Variants in SPPL2A observed in about 807,000 individuals in gnomAD.
The protein encoded by SPPL2A is signal peptide peptidase-like 2A.
In SPPL2A, 51 loss-of-function variants were observed where a neutral mutation model predicts 63.8. That is an observed-to-expected ratio of 0.80 (90% CI 0.64 to 1.01). SPPL2A has a LOEUF of 1.01. Among genes scored for constraint, SPPL2A ranks in the 50% least tolerant of loss-of-function variants. SPPL2A has a pLI of 0.00. For synonymous variants in SPPL2A, 188 were observed against 205.8 expected, an observed-to-expected ratio of 0.91 and a Z score of 0.74; for missense variants, 553 against 622.7, an observed-to-expected ratio of 0.89 and a Z score of 1.19.
At chr15:50,715,247 C>T (rs1383017014) in intron 14 of SPPL2A, among the ~76,000 whole-genome samples, 2 of 152,120 alleles carry the variant, frequency 1.3e-5, no homozygotes, top group African/African-American at 4.8e-5. Flanking sequence ...ATCTACTAGC[C>T]TTGGCCTCTC....
At position 50,706,432 on chromosome 15, in the gene SPPL2A, C is replaced by G. The variant is rs979388001; in HGVS notation, c.*1368G>C. On this transcript the variant is annotated 3_prime_UTR_variant, in exon 15 of 15. Transcript: ENST00000261854. ...AAAAAAGAAAACTGAGATACAAGGT[C>G]TTGAGATGCGGCAAATTACTCAACT... 2 of 146,944 alleles carry G rather than the reference C, an allele frequency of 1.4e-5. No individual in the cohort carries two copies. Among genetic ancestry groups the G allele is most frequent in the African/African-American group, 2.5e-5 (1 of 40,324 alleles). The allele number at this position is 146,944 out of a possible 1,614,324, so 9.1% of individuals were successfully genotyped here.
intron 3 of SPPL2A, 37 bp downstream of exon 3, chr15:50,748,651 G>A (rs774470074): frequency 1.4e-6 from 2 of 1,382,978 alleles, no homozygotes; most frequent in African/African-American, 3.0e-5. Context: ...TTCACATCAT[G>A]AACTCAAAAT....
intron 2 of SPPL2A, among the ~76,000 whole-genome samples, chr15:50,749,435 C>G (rs1286720846): frequency 3.9e-5 from 6 of 152,040 alleles, no homozygotes; most frequent in Non-Finnish European, 7.4e-5. Flanking sequence ...CTACAGGCGC[C>G]TGCCACCACA....
chr15:50,736,374 T>C (rs980933051), intron 7 of SPPL2A, among the ~76,000 whole-genome samples, 172 bp from the exon 8 acceptor site: 2 of 152,232 alleles, frequency 1.3e-5, no homozygotes, highest in Non-Finnish European at 1.5e-5. Context: ...CAGTCCAATA[T>C]AATTTTCTGT....
rs1021344648 is a variant in SPPL2A at position 50,705,488 on chromosome 15, C to A, written c.*2312G>T. ...ATTTTACAAAACAGCTGTATTTTGG[C>A]AAATATTTTATTATTATAAATGAAA... On this transcript the variant is annotated 3_prime_UTR_variant, in exon 15 of 15. Transcript: ENST00000261854. The A allele has an allele frequency of 2.6e-5, 4 of 151,924 alleles. No individual in the cohort carries two copies. The highest frequency in any genetic ancestry group is 5.9e-5 in the Non-Finnish European group (4 of 68,006). The allele number at this position is 151,924 out of a possible 1,614,324, so 9.4% of individuals were successfully genotyped here. A position where few individuals can be genotyped will look rare whatever the true frequency, so the allele number is the denominator to read the frequency against.
chr15:50,755,627 C>CAAAAAAAA (rs148415568), intron 1 of SPPL2A, among the ~76,000 whole-genome samples: 58 of 49,472 alleles, frequency 1.2e-3, no homozygotes, highest in East Asian at 1.4e-3. Flanking sequence ...CACCCTGTCT[C>CAAAAAAAA]AAAAAAAAAA....
Position 50,703,227 on chromosome 15 carries a change from A to G in SPPL2A, c.*4573T>C, listed in dbSNP as rs1310241739. 2.0e-5 allele frequency: 3 copies of G among 150,018 alleles called. No homozygotes were observed. Among genetic ancestry groups the G allele is most frequent in the South Asian group, 2.1e-4 (1 of 4,758 alleles). The allele number at this position is 150,018 out of a possible 1,614,324, so 9.3% of individuals were successfully genotyped here. A position where few individuals can be genotyped will look rare whatever the true frequency, so the allele number is the denominator to read the frequency against. ...ACTGGTCTACACTGAATTCCATTCA[A>G]TTGTAGACTGAAGTACAGTTTTTGT... On this transcript the variant is annotated 3_prime_UTR_variant, in exon 15 of 15. Coordinates refer to ENST00000261854, the MANE Select transcript of SPPL2A (RefSeq NM_032802.4).
Position 50,731,158 on chromosome 15 carries a change from G to T in SPPL2A, c.1015-119C>A, listed in dbSNP as rs996402114. On this transcript the variant is annotated intron_variant, in intron 9 of 14. Coordinates refer to ENST00000261854, the MANE Select transcript of SPPL2A (RefSeq NM_032802.4). ...TACATTTAAATATTACTTTTAAAAAGATATCTTATGGTTAATACTATGTAT... is the reference window on the plus strand; with the variant it reads ...TACATTTAAATATTACTTTTAAAAATATATCTTATGGTTAATACTATGTAT... 7.7e-5 allele frequency: 40 copies of T among 522,304 alleles called. No individual in the cohort carries two copies. In the Admixed American group the frequency reaches 1.4e-3, roughly 18 times the overall value. The allele number at this position is 522,304 out of a possible 1,614,324, so 32.4% of individuals were successfully genotyped here. A position where few individuals can be genotyped will look rare whatever the true frequency, so the allele number is the denominator to read the frequency against.
In SPPL2A at chr15:50,710,771, G is replaced by C. The variant is rs536994884; in HGVS notation, c.1489-2897C>G. 3.9e-5 allele frequency among the ~76,000 whole-genome samples: 6 copies of C among 152,310 alleles called. No homozygotes were observed. In the South Asian group the frequency reaches 1.2e-3, roughly 32 times the overall value. On this transcript the variant is annotated intron_variant, in intron 14 of 14. Coordinates refer to ENST00000261854, the MANE Select transcript of SPPL2A (RefSeq NM_032802.4). ...CTTATCTCTGTATTCTGACTTGTCAGTTACAGCTTGTGACTTCTAAAAATA... is the reference window on the plus strand; with the variant it reads ...CTTATCTCTGTATTCTGACTTGTCACTTACAGCTTGTGACTTCTAAAAATA...
At chr15:50,747,196 T>C (rs1364306572) in intron 5 of SPPL2A, among the ~76,000 whole-genome samples, 3 of 152,200 alleles carry the variant, frequency 2.0e-5, no homozygotes, top group Non-Finnish European at 4.4e-5. Flanking sequence ...TCTAAATCAA[T>C]AGGCATATTA....
At chr15:50,761,327 G>C (rs1292798231) in intron 1 of SPPL2A, among the ~76,000 whole-genome samples, 2 of 152,118 alleles carry the variant, frequency 1.3e-5, no homozygotes, top group African/African-American at 4.8e-5. Context: ...AATTTAAAAA[G>C]ACAGAGCTGC....
intron 1 of SPPL2A, among the ~76,000 whole-genome samples, chr15:50,763,909 AAAC>A (rs774189748): frequency 3.9e-5 from 6 of 152,156 alleles, no homozygotes; most frequent in Non-Finnish European, 5.9e-5. Context: ...AAAAAAACAA[AAAC>A]AACAACAAAA....
At position 50,747,608 on chromosome 15, in the gene SPPL2A, A is replaced by C. The variant is rs1191496488; in HGVS notation, c.471T>G (p.Thr157=). The C allele has an allele frequency of 1.9e-6, 3 of 1,607,758 alleles. No homozygotes were observed. The Admixed American group carries it at 5.1e-5, about 27-fold the overall frequency. ...DMNQTLGDNI[T]VKMYSPSWPN... is the part of the protein sequence containing the mutation. ...GCCACGATGGAGAATACATTTTCACAGTAATGTTATCTCCTAGAGTCTGAA... is the reference window on the plus strand; with the variant it reads ...GCCACGATGGAGAATACATTTTCACCGTAATGTTATCTCCTAGAGTCTGAA... The change falls in exon 5 of 15, where the codon ACT becomes ACG. Residue 157 remains threonine (T), a synonymous_variant. Transcript: ENST00000261854.
Position 50,705,837 on chromosome 15 carries a change from T to A in SPPL2A, c.*1963A>T, listed in dbSNP as rs900103752. On this transcript the variant is annotated 3_prime_UTR_variant, in exon 15 of 15. Transcript: ENST00000261854. The stretch of plus-strand genomic sequence containing the variant: ...TATTTTTAATAAATTGAACTGGCCT[T>A]AGATGAAAGATATAGTTCTGTTCAC... The A allele has an allele frequency of 2.0e-5, 3 of 152,218 alleles. No individual in the cohort carries two copies. The highest frequency in any genetic ancestry group is 7.2e-5 in the African/African-American group (3 of 41,452). 9.4% of individuals were successfully genotyped at this position (152,218 alleles called of 1,614,324 possible).
At chr15:50,746,539 C>T (rs2141049952) in intron 5 of SPPL2A, among the ~76,000 whole-genome samples, 1 of 149,826 alleles carries the variant, frequency 6.7e-6, no homozygotes, top group East Asian at 1.9e-4. Context: ...CATAAGAGTT[C>T]TCTGATATTT....
chr15:50,703,352 ATATATTTTTTTTTTTTT>A lies in SPPL2A; in HGVS notation c.*4431_*4447del, dbSNP rs2062489823. The A allele has an allele frequency of 1.6e-5, 1 of 63,388 alleles. No individual in the cohort carries two copies. Among genetic ancestry groups the A allele is most frequent in the African/African-American group, 6.3e-5 (1 of 15,836 alleles). The allele number at this position is 63,388 out of a possible 1,614,324, so 3.9% of individuals were successfully genotyped here. The stretch of plus-strand genomic sequence containing the variant: ...TATATATATATATATATATACATAT[ATATATTTTTTTTTTTTT>A]TTTTTTTTTTTGAGATGGAGTCTCG... On this transcript the variant is annotated 3_prime_UTR_variant, in exon 15 of 15. Coordinates refer to ENST00000261854, the MANE Select transcript of SPPL2A (RefSeq NM_032802.4).
In SPPL2A at chr15:50,722,183, C is replaced by A. The variant is rs557147371; in HGVS notation, c.1268G>T (p.Cys423Phe). 5.0e-6 allele frequency: 8 copies of A among 1,593,122 alleles called. No individual in the cohort carries two copies. The highest frequency in any genetic ancestry group is 6.9e-6 in the Non-Finnish European group (8 of 1,164,578). The part of the protein sequence containing the change: ...IIVPGLLIAY[C>F]RRFDVQTGSS... Reference sequence around the variant, plus strand: ...ACCAGTCTGAACATCAAATCTTCTACAGTATGCAATCAACAGGCCTTAAAA... The same window carrying A: ...ACCAGTCTGAACATCAAATCTTCTAAAGTATGCAATCAACAGGCCTTAAAA... The change falls in exon 13 of 15, where the codon TGT (cysteine) becomes TTT (phenylalanine). Residue 423 changes from cysteine to phenylalanine, a missense_variant. Transcript: ENST00000261854.
At chr15:50,733,796 G>A (rs1484171966) in intron 8 of SPPL2A, among the ~76,000 whole-genome samples, 4 of 151,644 alleles carry the variant, frequency 2.6e-5, no homozygotes, top group Non-Finnish European at 5.9e-5. Context: ...GAATATGTAA[G>A]GAGCTCAAAC....
chr15:50,722,085 ACAATT>A (rs1414772667), intron 13 of SPPL2A, 34 bp downstream of exon 13: 3 of 1,072,028 alleles, frequency 2.8e-6, no homozygotes, highest in African/African-American at 3.1e-5. Context: ...TCCAGACAAT[ACAATT>A]CAACATTTAA....
Sources: allele counts gnomAD v4.1 joint callset (sites outside exome capture counted in the v4.1 genomes callset), GRCh38; gene constraint gnomAD v4.1.1; transcripts MANE v1.5; gene names NCBI Gene and HGNC (gene_info 2026-07-23, HGNC 2026-07-21).